The following ITGBL1 variants were observed in gnomAD, a reference collection of about 807,000 sequenced individuals.
The protein encoded by ITGBL1 is integrin subunit beta like 1.
Under a neutral mutation model 68.5 loss-of-function variants are expected in ITGBL1, and 51 were observed. That is an observed-to-expected ratio of 0.74 (90% CI 0.59 to 0.94). The LOEUF (loss-of-function observed/expected upper bound fraction) is 0.94, where lower values mean the gene tolerates loss of function less well. ITGBL1 is among the 40% of genes least tolerant of loss of function. The probability of loss-of-function intolerance (pLI) is 0.00; values close to 1 mark genes in which losing one functional copy is unlikely to be tolerated. For synonymous variants in ITGBL1, 209 were observed against 227.3 expected, an observed-to-expected ratio of 0.92 and a Z score of 0.72; for missense variants, 649 against 647.4, an observed-to-expected ratio of 1.00 and a Z score of -0.03.
chr13:101,704,536 T>G (rs192722788), intron 8 of ITGBL1, among the ~76,000 whole-genome samples: 112 of 147,158 alleles, frequency 7.6e-4, no homozygotes, highest in African/African-American at 2.6e-3. Context: ...AGGAGGAGTG[T>G]TGAATGAGGC....
At chr13:101,595,532 A>T (rs1474319433) in intron 6 of ITGBL1, among the ~76,000 whole-genome samples, 1 of 152,210 alleles carries the variant, frequency 6.6e-6, no homozygotes, top group African/African-American at 2.4e-5. Flanking sequence ...GATTAAAAAA[A>T]TGGGCAAATG....
rs572551545 is a variant in ITGBL1, at chr13:101,638,611, G to A, written c.1015+40312G>A. Among the ~76,000 whole-genome samples the A allele has an allele frequency of 2.0e-4, 30 of 152,196 alleles. No homozygotes were observed. In the East Asian group the frequency reaches 5.6e-3, roughly 29 times the overall value. ...ACATCTCACATGGCGGGAGACAAGAGAGAATGAGAATCAAGCGAAAGGGAT... is the reference window on the plus strand; with the variant it reads ...ACATCTCACATGGCGGGAGACAAGAAAGAATGAGAATCAAGCGAAAGGGAT... On this transcript the variant is annotated intron_variant, in intron 7 of 10. Coordinates refer to ENST00000376180, the MANE Select transcript of ITGBL1 (RefSeq NM_004791.3).
intron 7 of ITGBL1, among the ~76,000 whole-genome samples, chr13:101,678,820 C>T (rs1006422939): frequency 4.5e-4 from 68 of 151,766 alleles, no homozygotes; most frequent in African/African-American, 1.4e-3. Flanking sequence ...TGTTTTAAAG[C>T]GTTAGTACCA....
chr13:101,476,989 C>T (rs1165252232), intron 2 of ITGBL1, among the ~76,000 whole-genome samples: 3 of 152,120 alleles, frequency 2.0e-5, no homozygotes, highest in African/African-American at 7.2e-5. Flanking sequence ...GCACTACAGA[C>T]CAATTGAACC....
intron 2 of ITGBL1, among the ~76,000 whole-genome samples, chr13:101,469,406 G>A (rs538081792): frequency 2.2e-4 from 34 of 152,314 alleles, no homozygotes; most frequent in African/African-American, 6.3e-4. Context: ...TTGTTGCCAG[G>A]CGCTGTGGCT....
intron 10 of ITGBL1, chr13:101,714,903 C>A (rs1340981518): frequency 8.8e-6 from 2 of 226,850 alleles, no homozygotes; most frequent in South Asian, 8.5e-5. Flanking sequence ...ATGAAATATT[C>A]TTTTAAACAG....
chr13:101,707,432 A>C (rs572311473), intron 9 of ITGBL1, among the ~76,000 whole-genome samples: 2 of 152,314 alleles, frequency 1.3e-5, no homozygotes, highest in African/African-American at 4.8e-5. Flanking sequence ...TTTTTTAAAA[A>C]GGAAAGAAAA....
chr13:101,566,676 A>G (rs1349759605), intron 2 of ITGBL1, among the ~76,000 whole-genome samples: 1 of 152,140 alleles, frequency 6.6e-6, no homozygotes, highest in Non-Finnish European at 1.5e-5. Flanking sequence ...CTTGGATTTC[A>G]GCTACCATGT....
intron 7 of ITGBL1, among the ~76,000 whole-genome samples, chr13:101,601,939 G>C (rs1025071449): frequency 8.6e-5 from 13 of 151,958 alleles, no homozygotes; most frequent in African/African-American, 3.1e-4. Context: ...CTGAATGAGG[G>C]GCTATTAGTC....
intron 7 of ITGBL1, among the ~76,000 whole-genome samples, chr13:101,627,093 C>T (rs1389060343): frequency 1.3e-5 from 2 of 152,044 alleles, no homozygotes; most frequent in Non-Finnish European, 2.9e-5. Flanking sequence ...TTGAAACTTG[C>T]GGTTTTCTGT....
At chr13:101,567,575 A>G (rs898396123) in intron 2 of ITGBL1, 124 bp from the exon 3 acceptor site, 3 of 809,062 alleles carry the variant, frequency 3.7e-6, no homozygotes, top group Non-Finnish European at 5.8e-6. Flanking sequence ...CCACTGCGAT[A>G]TACATGAGTT....
intron 2 of ITGBL1, among the ~76,000 whole-genome samples, chr13:101,556,784 G>A (rs1238066599): frequency 6.6e-6 from 1 of 152,142 alleles, no homozygotes; most frequent in South Asian, 2.1e-4. Context: ...CCAAAATAAG[G>A]CAATGAAGGA....
At chr13:101,634,164 T>G (rs768864845) in intron 7 of ITGBL1, among the ~76,000 whole-genome samples, 1 of 152,172 alleles carries the variant, frequency 6.6e-6, no homozygotes, top group Non-Finnish European at 1.5e-5. Context: ...ATCGAATATA[T>G]TTTTAAGAAC....
At chr13:101,463,082 T>C (rs1411720712) in intron 2 of ITGBL1, among the ~76,000 whole-genome samples, 1 of 152,140 alleles carries the variant, frequency 6.6e-6, no homozygotes, top group Non-Finnish European at 1.5e-5. Flanking sequence ...CAAATAGGGA[T>C]AATGACAGTG....
intron 7 of ITGBL1, among the ~76,000 whole-genome samples, chr13:101,673,902 G>C (rs1414166432): frequency 6.6e-6 from 1 of 152,062 alleles, no homozygotes; most frequent in African/African-American, 2.4e-5. Context: ...CTCTGACATG[G>C]GATCAGAGTT....
intron 7 of ITGBL1, among the ~76,000 whole-genome samples, chr13:101,668,557 A>T (rs2033280171): frequency 6.6e-6 from 1 of 152,224 alleles, no homozygotes; most frequent in African/African-American, 2.4e-5. Context: ...TTGGGTGATG[A>T]ACACCTGATA....
intron 7 of ITGBL1, among the ~76,000 whole-genome samples, chr13:101,619,229 G>T (rs761691786): frequency 1.3e-5 from 2 of 151,952 alleles, no homozygotes; most frequent in Non-Finnish European, 2.9e-5. Context: ...CCCCATCAAA[G>T]ACACCCCTGT....
intron 8 of ITGBL1, among the ~76,000 whole-genome samples, chr13:101,704,995 G>A (rs913815841): frequency 8.5e-5 from 13 of 152,106 alleles, no homozygotes; most frequent in African/African-American, 2.9e-4. Flanking sequence ...AAGTGCCAGA[G>A]CACTTGCTGA....
chr13:101,632,075 T>A (rs1162680820), intron 7 of ITGBL1, among the ~76,000 whole-genome samples: 1 of 152,044 alleles, frequency 6.6e-6, no homozygotes, highest in Non-Finnish European at 1.5e-5. Context: ...AAACTTGGCT[T>A]ATCAAAACAC....
Sources: gnomAD v4.1 joint callset for allele counts (sites outside exome capture counted in the v4.1 genomes callset) on GRCh38, gnomAD v4.1.1 for gene constraint, MANE v1.5 for transcripts, NCBI Gene and HGNC (gene_info 2026-07-23, HGNC 2026-07-21) for gene names.